Variants in TMCC1 observed in about 807,000 individuals in gnomAD.
The protein encoded by TMCC1 is transmembrane and coiled-coil domain family 1.
In TMCC1, 15 loss-of-function variants were observed where a neutral mutation model predicts 52.4. The ratio of observed to expected loss-of-function variants is 0.29; its 90% confidence interval spans 0.19 to 0.44. The LOEUF (loss-of-function observed/expected upper bound fraction) is 0.44. Ranked by LOEUF, TMCC1 falls within the 20% of genes least tolerant of loss-of-function variation. TMCC1 has a pLI of 1.00. For synonymous variants in TMCC1, 279 were observed against 301.9 expected (o/e 0.92, Z 0.79); for missense variants, 503 against 806.0 (o/e 0.62, Z 4.55).
At chr3:129,878,227 G>A (rs2061314369) in intron 2 of TMCC1, among the ~76,000 whole-genome samples, 1 of 152,076 alleles carries the variant, frequency 6.6e-6, no homozygotes, top group African/African-American at 2.4e-5. Flanking sequence ...GCCTCCCAAA[G>A]CACTGGGATT....
chr3:129,778,829 G>C (rs113989272), intron 4 of TMCC1, among the ~76,000 whole-genome samples: 2,797 of 152,234 alleles, frequency 0.018, 43 homozygotes, highest in Non-Finnish European at 0.029. Context: ...TGCCGTGATT[G>C]TAAGTTTCCT....
intron 2 of TMCC1, among the ~76,000 whole-genome samples, chr3:129,859,034 A>G (rs1430143847): frequency 6.6e-6 from 1 of 152,204 alleles, no homozygotes; most frequent in Admixed American, 6.5e-5. Context: ...AAACTAATAG[A>G]AAAATAACAT....
intron 4 of TMCC1, among the ~76,000 whole-genome samples, chr3:129,720,325 G>C (rs2049468581): frequency 6.6e-6 from 1 of 152,142 alleles, no homozygotes; most frequent in African/African-American, 2.4e-5. Flanking sequence ...CACAAGCAGA[G>C]GCTTAAAAAG....
chr3:129,696,714 A>G (rs923364905), intron 4 of TMCC1, among the ~76,000 whole-genome samples: 1 of 152,208 alleles, frequency 6.6e-6, no homozygotes, highest in Non-Finnish European at 1.5e-5. Context: ...CCTAGATACA[A>G]TGGGGGTACA....
Position 129,650,017 on chromosome 3 carries a change from G to A in TMCC1, c.*1464C>T, listed in dbSNP as rs1304643809. ...ATTTCACACCCAAAACTTGGGTCCT[G>A]CTAACCTGACATTTCCTTCACTGCT... On this transcript the variant is annotated 3_prime_UTR_variant, in exon 7 of 7. Transcript: ENST00000393238. 2.0e-5 allele frequency: 3 copies of A among 152,524 alleles called. No individual in the cohort carries two copies. The highest frequency in any genetic ancestry group is 2.4e-5 in the African/African-American group (1 of 41,380). The allele number at this position is 152,524 out of a possible 1,614,324, so 9.4% of individuals were successfully genotyped here.
At chr3:129,850,346 T>G (rs1181202553) in intron 2 of TMCC1, among the ~76,000 whole-genome samples, 1 of 152,238 alleles carries the variant, frequency 6.6e-6, no homozygotes, top group South Asian at 2.1e-4. Flanking sequence ...AACACACTGA[T>G]GTTAACAGTA....
intron 4 of TMCC1, chr3:129,819,709 G>A (rs896981901): frequency 3.9e-5 from 6 of 152,100 alleles, no homozygotes; most frequent in Admixed American, 3.3e-4. Flanking sequence ...ACTGAAGAAC[G>A]GGAACAGTTA....
intron 2 of TMCC1, among the ~76,000 whole-genome samples, chr3:129,845,866 T>C (rs1341764564): frequency 6.6e-6 from 1 of 151,940 alleles, no homozygotes; most frequent in Non-Finnish European, 1.5e-5. Flanking sequence ...ACCCTGTCTC[T>C]ACAAAAAAAA....
chr3:129,728,109 T>A (rs936793011), intron 4 of TMCC1, among the ~76,000 whole-genome samples: 1 of 152,162 alleles, frequency 6.6e-6, no homozygotes, highest in African/African-American at 2.4e-5. Context: ...ATTGAATAAT[T>A]CTTATTATGT....
intron 4 of TMCC1, among the ~76,000 whole-genome samples, chr3:129,810,983 T>C (rs1248862165): frequency 6.6e-6 from 1 of 152,224 alleles, no homozygotes; most frequent in Non-Finnish European, 1.5e-5. Context: ...TCCTATCCTA[T>C]GGTAAAATGG....
At chr3:129,667,636 G>A (rs539180089) in intron 5 of TMCC1, among the ~76,000 whole-genome samples, 47 of 152,242 alleles carry the variant, frequency 3.1e-4, no homozygotes, top group African/African-American at 1.1e-3. Flanking sequence ...AACCCAAAGT[G>A]CAATGAAAGA....
chr3:129,763,542 C>CAAAAAAAAAAA (rs11354197), intron 4 of TMCC1, among the ~76,000 whole-genome samples: 2 of 44,664 alleles, frequency 4.5e-5, no homozygotes, highest in Non-Finnish European at 8.4e-5. Flanking sequence ...GACCCTGTCT[C>CAAAAAAAAAAA]AAAAAAAAAA....
chr3:129,727,429 G>A (rs920886049), intron 4 of TMCC1, among the ~76,000 whole-genome samples: 1 of 152,126 alleles, frequency 6.6e-6, no homozygotes, highest in Non-Finnish European at 1.5e-5. Flanking sequence ...GGTACACAAA[G>A]AATGAAGTTG....
intron 4 of TMCC1, among the ~76,000 whole-genome samples, chr3:129,752,172 C>T (rs2052584564): frequency 6.6e-6 from 1 of 152,298 alleles, no homozygotes; most frequent in East Asian, 1.9e-4. Flanking sequence ...AGGTAGCATT[C>T]TGGAAGGAGA....
intron 4 of TMCC1, among the ~76,000 whole-genome samples, chr3:129,801,686 G>C (rs148652432): frequency 6.6e-6 from 1 of 152,152 alleles, no homozygotes; most frequent in Admixed American, 6.5e-5. Flanking sequence ...CACCCACCTC[G>C]GCCTCCAAAA....
intron 4 of TMCC1, among the ~76,000 whole-genome samples, chr3:129,679,539 C>G (rs574717070): frequency 6.6e-6 from 1 of 152,074 alleles, no homozygotes; most frequent in Non-Finnish European, 1.5e-5. Context: ...CTCCTGACCT[C>G]GTGATCCGCC....
intron 4 of TMCC1, among the ~76,000 whole-genome samples, chr3:129,806,452 C>A (rs2057470413): frequency 6.6e-6 from 1 of 152,148 alleles, no homozygotes; most frequent in Non-Finnish European, 1.5e-5. Flanking sequence ...TTTCCAAAGG[C>A]AAAGGTTTGA....
At chr3:129,845,854 A>C (rs1443626962) in intron 2 of TMCC1, among the ~76,000 whole-genome samples, 1 of 152,088 alleles carries the variant, frequency 6.6e-6, no homozygotes, top group Non-Finnish European at 1.5e-5. Context: ...CAACACAGGG[A>C]GACCCTGTCT....
chr3:129,768,493 G>A (rs1421119512), intron 4 of TMCC1, among the ~76,000 whole-genome samples: 1 of 151,868 alleles, frequency 6.6e-6, no homozygotes, highest in African/African-American at 2.4e-5. Context: ...TTTATTGTAA[G>A]TCCCACTGAT....
Sources: allele counts gnomAD v4.1 joint callset (sites outside exome capture counted in the v4.1 genomes callset), GRCh38; gene constraint gnomAD v4.1.1; transcripts MANE v1.5; gene names NCBI Gene and HGNC (gene_info 2026-07-23, HGNC 2026-07-21).